Variants in KCND2 observed in about 807,000 individuals in gnomAD.
The protein encoded by KCND2 is A-type voltage-gated potassium channel KCND2.
A neutral mutation model predicts 54.4 loss-of-function variants in KCND2; 16 were observed. The ratio of observed to expected loss-of-function variants is 0.29; its 90% CI spans 0.20 to 0.45. KCND2 has a LOEUF of 0.45. Among genes scored for constraint, KCND2 ranks in the 20% least tolerant of loss-of-function variants. The probability of loss-of-function intolerance (pLI) is 1.00; values close to 1 mark genes in which losing one functional copy is unlikely to be tolerated. For synonymous variants in KCND2, 317 were observed against 310.7 expected, an observed-to-expected ratio of 1.02 and a Z score of -0.21; for missense variants, 486 against 824.2, an observed-to-expected ratio of 0.59 and a Z score of 5.02.
At chr7:120,548,928 G>T (rs1231992931) in intron 1 of KCND2, among the ~76,000 whole-genome samples, 1 of 152,092 alleles carries the variant, frequency 6.6e-6, no homozygotes. Flanking sequence ...AAAGAGAGGT[G>T]CATAGCTCAT....
At position 120,284,295 on chromosome 7, in the gene KCND2, GCA is replaced by G. The variant is rs138409453; in HGVS notation, c.1115+8560_1115+8561del. Among the ~76,000 whole-genome samples, 8 of 151,014 alleles carry G rather than the reference GCA, an allele frequency of 5.3e-5. No individual in the cohort carries two copies. The East Asian group carries it at 9.8e-4, about 19-fold the overall frequency. ...GGCTAACACACACACACATGCACAC[GCA>G]CACACACACACGCGCGCACACTCCA... On this transcript the variant is annotated intron_variant, in intron 1 of 5. Coordinates refer to ENST00000331113, the MANE Select transcript of KCND2 (RefSeq NM_012281.3).
chr7:120,459,887 G>C (rs1356804552), intron 1 of KCND2, among the ~76,000 whole-genome samples: 1 of 152,194 alleles, frequency 6.6e-6, no homozygotes, highest in Non-Finnish European at 1.5e-5. Flanking sequence ...GTAAATGCCA[G>C]TGTAAAGACA....
chr7:120,525,281 T>A (rs1199536294), intron 1 of KCND2, among the ~76,000 whole-genome samples: 2 of 152,206 alleles, frequency 1.3e-5, no homozygotes, highest in Non-Finnish European at 2.9e-5. Context: ...TGTTTGGAGC[T>A]GACAATGGAA....
intron 1 of KCND2, among the ~76,000 whole-genome samples, chr7:120,552,329 CTA>C (rs992363326): frequency 6.6e-6 from 1 of 152,158 alleles, no homozygotes; most frequent in African/African-American, 2.4e-5. Context: ...CAAATTAATA[CTA>C]TGTTTTCCTG....
chr7:120,292,148 T>G (rs1427055157), intron 1 of KCND2, among the ~76,000 whole-genome samples: 6 of 151,904 alleles, frequency 3.9e-5, no homozygotes, highest in Non-Finnish European at 8.8e-5. Flanking sequence ...TATTACATAT[T>G]TTTTGTAATA....
intron 1 of KCND2, among the ~76,000 whole-genome samples, chr7:120,455,563 C>T (rs1009275328): frequency 2.0e-5 from 3 of 151,982 alleles, no homozygotes; most frequent in East Asian, 1.9e-4. Flanking sequence ...TTCATAATAG[C>T]GAAGACATGG....
At chr7:120,742,927 A>T (rs1219802675) in intron 4 of KCND2, among the ~76,000 whole-genome samples, 2 of 152,184 alleles carry the variant, frequency 1.3e-5, no homozygotes, top group Non-Finnish European at 2.9e-5. Flanking sequence ...GTGATTCTTA[A>T]AATGCGAATT....
intron 1 of KCND2, among the ~76,000 whole-genome samples, chr7:120,303,784 T>C (rs1468546992): frequency 6.6e-6 from 1 of 152,192 alleles, no homozygotes; most frequent in Non-Finnish European, 1.5e-5. Context: ...CTTCTGTTTG[T>C]CAATGTATCC....
intron 1 of KCND2, among the ~76,000 whole-genome samples, chr7:120,348,653 T>C (rs1584741229): frequency 6.6e-6 from 1 of 152,316 alleles, no homozygotes; most frequent in East Asian, 1.9e-4. Flanking sequence ...AACTTCTTTG[T>C]GAGCAAACAC....
At chr7:120,349,327 A>AACAC (rs145626165) in intron 1 of KCND2, among the ~76,000 whole-genome samples, 91,624 of 144,362 alleles carry the variant, frequency 0.63, 32,042 homozygotes, top group South Asian at 0.85. Flanking sequence ...CACACACACA[A>AACAC]ACACACACAC....
chr7:120,652,896 C>T (rs1418712145), intron 1 of KCND2, among the ~76,000 whole-genome samples: 2 of 152,104 alleles, frequency 1.3e-5, no homozygotes, highest in Non-Finnish European at 2.9e-5. Flanking sequence ...TTGTAATTTC[C>T]TTATTTTTAT....
intron 1 of KCND2, among the ~76,000 whole-genome samples, chr7:120,600,857 A>G (rs188022245): frequency 1.2e-3 from 190 of 152,208 alleles, no homozygotes; most frequent in African/African-American, 4.3e-3. Flanking sequence ...AACTCAATGA[A>G]TCAGTAAATC....
intron 1 of KCND2, among the ~76,000 whole-genome samples, chr7:120,666,483 G>A (rs1371981170): frequency 6.6e-6 from 1 of 151,746 alleles, no homozygotes; most frequent in African/African-American, 2.4e-5. Context: ...ATAGAGCCAC[G>A]GAATGTAAAT....
intron 1 of KCND2, among the ~76,000 whole-genome samples, chr7:120,387,643 G>T (rs1428852776): frequency 6.6e-6 from 1 of 151,944 alleles, no homozygotes; most frequent in Non-Finnish European, 1.5e-5. Context: ...ATGTTCTTTT[G>T]TGAATGACAG....
chr7:120,414,471 T>G (rs561042724), intron 1 of KCND2, among the ~76,000 whole-genome samples: 2 of 152,266 alleles, frequency 1.3e-5, no homozygotes, highest in African/African-American at 4.8e-5. Flanking sequence ...TGCAATTCCT[T>G]CCATAATTAT....
chr7:120,637,998 A>C (rs1045147841), intron 1 of KCND2, among the ~76,000 whole-genome samples: 1 of 152,124 alleles, frequency 6.6e-6, no homozygotes, highest in African/African-American at 2.4e-5. Flanking sequence ...ATGGTAAAGA[A>C]AAATCAGAAA....
At chr7:120,290,803 T>C (rs955620592) in intron 1 of KCND2, among the ~76,000 whole-genome samples, 3 of 152,026 alleles carry the variant, frequency 2.0e-5, no homozygotes, top group African/African-American at 7.2e-5. Context: ...ATGTGGCTAA[T>C]GAGAAGAATT....
intron 1 of KCND2, among the ~76,000 whole-genome samples, chr7:120,667,753 C>T (rs1240178608): frequency 1.3e-5 from 2 of 151,972 alleles, no homozygotes; most frequent in African/African-American, 4.8e-5. Flanking sequence ...CAAAAATATG[C>T]CCAAACTTGT....
At chr7:120,492,498 G>T (rs115183825) in intron 1 of KCND2, among the ~76,000 whole-genome samples, 8 of 151,780 alleles carry the variant, frequency 5.3e-5, no homozygotes, top group Admixed American at 2.6e-4. Flanking sequence ...AAAATTTATC[G>T]CTCACAGTTC....
Sources: gnomAD v4.1 joint callset for allele counts (sites outside exome capture counted in the v4.1 genomes callset) on GRCh38, gnomAD v4.1.1 for gene constraint, MANE v1.5 for transcripts, NCBI Gene and HGNC (gene_info 2026-07-23, HGNC 2026-07-21) for gene names.